The following CAAP1 variants were observed in gnomAD, a reference collection of about 807,000 sequenced individuals.
CAAP1 encodes the protein caspase activity and apoptosis inhibitor 1, also known as conserved anti-apoptotic protein.
Under a neutral mutation model 34.0 loss-of-function variants are expected in CAAP1, and 20 were observed. That is an observed-to-expected ratio of 0.59 (90% CI 0.41 to 0.86). CAAP1 has a LOEUF of 0.86. Among genes scored for constraint, CAAP1 ranks in the 40% least tolerant of loss-of-function variants. The probability of loss-of-function intolerance (pLI) is 0.00; values close to 1 mark genes in which losing one functional copy is unlikely to be tolerated. For synonymous variants in CAAP1, 213 were observed against 166.7 expected, an observed-to-expected ratio of 1.28 and a Z score of -2.14; for missense variants, 538 against 450.5, an observed-to-expected ratio of 1.19 and a Z score of -1.76.
rs969616552 is a variant in CAAP1, at chr9:26,844,047, T to G, written c.740-1400A>C. Among the ~76,000 whole-genome samples, 7 of 152,272 alleles carry G rather than the reference T, an allele frequency of 4.6e-5. No homozygotes were observed. The East Asian group carries it at 1.3e-3, about 29-fold the overall frequency. ...CAATATTTTATACAAGTATTCTAAC[T>G]TGAGACTAAAATAGATTTAAGAAAA... On this transcript the variant is annotated intron_variant, in intron 5 of 5. Coordinates refer to ENST00000333916, the MANE Select transcript of CAAP1 (RefSeq NM_024828.4).
At chr9:26,885,879 TTACC>T (rs1240000977) in intron 3 of CAAP1, among the ~76,000 whole-genome samples, 1 of 152,192 alleles carries the variant, frequency 6.6e-6, no homozygotes, top group Non-Finnish European at 1.5e-5. Flanking sequence ...AGTTATACTC[TTACC>T]TATATACACT....
At chr9:26,849,865 G>A (rs985699428) in intron 5 of CAAP1, among the ~76,000 whole-genome samples, 4 of 149,410 alleles carry the variant, frequency 2.7e-5, no homozygotes, top group Non-Finnish European at 5.9e-5. Flanking sequence ...TTGAGATGGA[G>A]TCTCACTCTG....
chr9:26,880,713 T>C (rs949815449), intron 4 of CAAP1, among the ~76,000 whole-genome samples: 4 of 152,182 alleles, frequency 2.6e-5, no homozygotes, highest in Admixed American at 2.6e-4. Context: ...GGAGTTTTGC[T>C]CTGTCACCCA....
At chr9:26,847,282 T>G (rs1176880514) in intron 5 of CAAP1, among the ~76,000 whole-genome samples, 51 of 128,292 alleles carry the variant, frequency 4.0e-4, no homozygotes, top group Non-Finnish European at 6.3e-5. Context: ...TGGCGCGATC[T>G]CGGCTCACTG....
At chr9:26,846,960 T>G (rs147899904) in intron 5 of CAAP1, among the ~76,000 whole-genome samples, 239 of 152,222 alleles carry the variant, frequency 1.6e-3, no homozygotes, top group African/African-American at 5.5e-3. Context: ...GTGCTGGGAT[T>G]ACAGACATGA....
chr9:26,877,792 T>C (rs1823479897), intron 4 of CAAP1, among the ~76,000 whole-genome samples: 1 of 152,086 alleles, frequency 6.6e-6, no homozygotes, highest in African/African-American at 2.4e-5. Flanking sequence ...CTTAAATTTG[T>C]TTTTCAGGTC....
intron 1 of CAAP1, chr9:26,892,138 A>C (rs1823918137): frequency 5.2e-6 from 4 of 771,336 alleles, no homozygotes; most frequent in Non-Finnish European, 7.7e-6. Context: ...CTTCCGGCAG[A>C]GTGAAACCAT....
At chr9:26,870,229 A>G (rs1483588742) in intron 4 of CAAP1, among the ~76,000 whole-genome samples, 1 of 152,002 alleles carries the variant, frequency 6.6e-6, no homozygotes, top group East Asian at 1.9e-4. Flanking sequence ...AGATTCTGGA[A>G]AGGTGCCTAT....
At chr9:26,865,189 A>C (rs1823104547) in intron 4 of CAAP1, among the ~76,000 whole-genome samples, 1 of 152,236 alleles carries the variant, frequency 6.6e-6, no homozygotes, top group Admixed American at 6.5e-5. Flanking sequence ...AAAAATAGAC[A>C]CATACCAATG....
At chr9:26,872,965 A>T (rs1460450184) in intron 4 of CAAP1, among the ~76,000 whole-genome samples, 3 of 152,206 alleles carry the variant, frequency 2.0e-5, no homozygotes, top group African/African-American at 7.2e-5. Flanking sequence ...AAACACTCAT[A>T]TAGAAGCTAC....
chr9:26,892,267 A>C, intron 1 of CAAP1, 146 bp downstream of exon 1: 1 of 1,525,884 alleles, frequency 6.6e-7, no homozygotes, highest in African/African-American at 1.4e-5. Context: ...ACCAGGACTT[A>C]GGTAGGAACA....
intron 4 of CAAP1, among the ~76,000 whole-genome samples, chr9:26,871,220 C>T (rs1270269208): frequency 3.9e-5 from 6 of 152,168 alleles, no homozygotes; most frequent in South Asian, 2.1e-4. Context: ...ATTCTAATGA[C>T]ATGAGCTAAA....
At chr9:26,876,908 C>T (rs371718256) in intron 4 of CAAP1, among the ~76,000 whole-genome samples, 1 of 152,126 alleles carries the variant, frequency 6.6e-6, no homozygotes, top group Non-Finnish European at 1.5e-5. Flanking sequence ...AATCCTAGCA[C>T]TTTGGGAGTC....
chr9:26,856,648 A>C (rs1055141676), intron 5 of CAAP1, among the ~76,000 whole-genome samples: 1 of 152,188 alleles, frequency 6.6e-6, no homozygotes, highest in Non-Finnish European at 1.5e-5. Context: ...CATCAGAAAC[A>C]TGTCTTAGAA....
intron 4 of CAAP1, among the ~76,000 whole-genome samples, chr9:26,871,617 A>T (rs1823276944): frequency 6.6e-6 from 1 of 150,658 alleles, no homozygotes; most frequent in Admixed American, 6.6e-5. Context: ...CTGTGTTATA[A>T]TAGCTCAGCA....
At chr9:26,873,181 G>A (rs549768030) in intron 4 of CAAP1, among the ~76,000 whole-genome samples, 45 of 152,308 alleles carry the variant, frequency 3.0e-4, no homozygotes, top group African/African-American at 1.1e-3. Flanking sequence ...TATCACTTCA[G>A]CAGTGACCCG....
intron 5 of CAAP1, among the ~76,000 whole-genome samples, chr9:26,847,198 A>ATTTTTTTTTT (rs1171628621): frequency 0.012 from 424 of 34,756 alleles, 141 homozygotes; most frequent in Middle Eastern, 0.079. Flanking sequence ...AAAAAGCAAT[A>ATTTTTTTTTT]TTTTTTTTTT....
chr9:26,877,705 TA>T (rs921942336), intron 4 of CAAP1, among the ~76,000 whole-genome samples: 1 of 151,440 alleles, frequency 6.6e-6, no homozygotes. Context: ...TTTCACTTAA[TA>T]AAAAAAAATC....
At chr9:26,861,184 A>G (rs372138819) in intron 4 of CAAP1, 45 bp from the exon 5 acceptor site, 192 of 1,400,676 alleles carry the variant, frequency 1.4e-4, no homozygotes, top group Middle Eastern at 3.6e-4. Flanking sequence ...ATATTTAATC[A>G]CATAATATTT....
Sources: allele counts gnomAD v4.1 joint callset (sites outside exome capture counted in the v4.1 genomes callset), GRCh38; gene constraint gnomAD v4.1.1; transcripts MANE v1.5; gene names NCBI Gene and HGNC (gene_info 2026-07-23, HGNC 2026-07-21).